Variants in FBXO4 observed in about 807,000 individuals in gnomAD.
FBXO4 encodes the protein F-box only protein 4.
FBXO4 carries 36 observed loss-of-function variants against 43.7 expected under a neutral mutation model. The observed-to-expected ratio is 0.82, with a 90% CI of 0.63 to 1.09. The LOEUF (loss-of-function observed/expected upper bound fraction) is 1.09, where lower values mean the gene tolerates loss of function less well. Among genes scored for constraint, FBXO4 ranks in the 50% least tolerant of loss-of-function variants. FBXO4 has a pLI of 0.00. For synonymous variants in FBXO4, 180 were observed against 165.6 expected (o/e 1.09, Z -0.67); for missense variants, 435 against 474.1 (o/e 0.92, Z 0.77).
chr5:41,975,940 GAAGCTTAC>G, the FBXO4 span, among the ~76,000 whole-genome samples: 1 of 152,118 alleles, frequency 6.6e-6, no homozygotes, highest in Admixed American at 6.5e-5. Context: ...GAGGCCTCAA[GAAGCTTAC>G]AATCGTGGTG....
chr5:41,961,360 C>T, the FBXO4 span, among the ~76,000 whole-genome samples: 1 of 152,268 alleles, frequency 6.6e-6, no homozygotes, highest in Non-Finnish European at 1.5e-5. Context: ...TTTGCAGTCC[C>T]ACTCAAGTTG....
chr5:41,965,832 A>C, the FBXO4 span, among the ~76,000 whole-genome samples: 4 of 152,234 alleles, frequency 2.6e-5, no homozygotes, highest in African/African-American at 9.6e-5. Flanking sequence ...TCGTGCTGCT[A>C]TAAAGACACA....
the FBXO4 span, among the ~76,000 whole-genome samples, chr5:41,999,472 TATATACAC>T: frequency 1.7e-3 from 46 of 27,542 alleles, 1 homozygote; most frequent in African/African-American, 2.7e-3. Context: ...TGTGTATATA[TATATACAC>T]ATATATATAT....
At chr5:41,956,464 G>C in the FBXO4 span, among the ~76,000 whole-genome samples, 99 of 152,126 alleles carry the variant, frequency 6.5e-4, no homozygotes, top group Admixed American at 5.9e-4. Flanking sequence ...GTGAGTGTTT[G>C]ATATTTCTTA....
the FBXO4 span, among the ~76,000 whole-genome samples, chr5:41,974,522 C>T: frequency 3.3e-5 from 5 of 151,986 alleles, no homozygotes; most frequent in African/African-American, 1.2e-4. Flanking sequence ...AATTCTTTTG[C>T]TAGATTCTTG....
the FBXO4 span, among the ~76,000 whole-genome samples, chr5:42,023,367 C>T: frequency 6.6e-6 from 1 of 151,980 alleles, no homozygotes; most frequent in Non-Finnish European, 1.5e-5. Context: ...GGGGAATGCA[C>T]CTCCTTCAAT....
At chr5:41,973,942 TTTTG>T in the FBXO4 span, among the ~76,000 whole-genome samples, 1 of 152,130 alleles carries the variant, frequency 6.6e-6, no homozygotes, top group Non-Finnish European at 1.5e-5. Flanking sequence ...TTCTCCTAGT[TTTTG>T]TTTATTTTAG....
the FBXO4 span, among the ~76,000 whole-genome samples, chr5:41,960,613 G>A: frequency 6.6e-6 from 1 of 151,988 alleles, no homozygotes; most frequent in African/African-American, 2.4e-5. Context: ...ATGATTATAT[G>A]GTTTTTGTCC....
the FBXO4 span, among the ~76,000 whole-genome samples, chr5:41,995,908 C>T: frequency 6.6e-6 from 1 of 152,212 alleles, no homozygotes; most frequent in South Asian, 2.1e-4. Context: ...TGAAGCTCGG[C>T]CCACTGGGAA....
At chr5:41,939,295 T>C in intron 5 of FBXO4, 146 bp from the exon 6 acceptor site, 1 of 645,686 alleles carries the variant, frequency 1.5e-6, no homozygotes, top group South Asian at 2.5e-5. Flanking sequence ...TGTGGAGACA[T>C]CTGAAGAGTA....
At chr5:42,029,040 T>TTATATA in the FBXO4 span, among the ~76,000 whole-genome samples, 50 of 152,154 alleles carry the variant, frequency 3.3e-4, no homozygotes, top group African/African-American at 1.1e-3. Context: ...CCAGTGGGTT[T>TTATATA]TATATCTTCA....
chr5:42,036,634 T>C, the FBXO4 span, among the ~76,000 whole-genome samples: 4 of 152,052 alleles, frequency 2.6e-5, no homozygotes, highest in Non-Finnish European at 2.9e-5. Flanking sequence ...GTTTATAATA[T>C]ACACAAAGGG....
the FBXO4 span, among the ~76,000 whole-genome samples, chr5:41,982,952 A>C: frequency 6.6e-6 from 1 of 152,054 alleles, no homozygotes; most frequent in Non-Finnish European, 1.5e-5. Context: ...CCCATTTATA[A>C]GTGAGAACAT....
chr5:42,036,920 G>T, the FBXO4 span, among the ~76,000 whole-genome samples: 1 of 151,986 alleles, frequency 6.6e-6, no homozygotes, highest in Non-Finnish European at 1.5e-5. Context: ...GGAATACTTG[G>T]TGGGGAGGGT....
rs1053926091 is a variant in FBXO4 at position 41,935,057 on chromosome 5, A to G, written c.898+749A>G. ...AATTACTTTCTGTTATTACAGGGCTATCTATAAAAAGAAAACTTAGAAGCA... is the reference window on the plus strand; with the variant it reads ...AATTACTTTCTGTTATTACAGGGCTGTCTATAAAAAGAAAACTTAGAAGCA... On this transcript the variant is annotated intron_variant, in intron 5 of 6. Transcript: ENST00000281623. The G allele has an allele frequency of 2.2e-5, 22 of 984,634 alleles. No individual in the cohort carries two copies. The African/African-American group carries it at 3.7e-4, about 16-fold the overall frequency. 61.0% of individuals were successfully genotyped at this position (984,634 alleles called of 1,614,324 possible). A position where few individuals can be genotyped will look rare whatever the true frequency, so the allele number is the denominator to read the frequency against.
chr5:41,970,076 G>A, the FBXO4 span, among the ~76,000 whole-genome samples: 1 of 151,988 alleles, frequency 6.6e-6, no homozygotes, highest in African/African-American at 2.4e-5. Context: ...CTGTGAATTA[G>A]TTCTGTTTTA....
chr5:41,972,274 A>T, the FBXO4 span, among the ~76,000 whole-genome samples: 1 of 152,184 alleles, frequency 6.6e-6, no homozygotes. Flanking sequence ...TCAATGTATA[A>T]AAATTAGTAG....
chr5:42,002,242 G>C, the FBXO4 span, among the ~76,000 whole-genome samples: 4 of 152,264 alleles, frequency 2.6e-5, no homozygotes, highest in African/African-American at 9.6e-5. Flanking sequence ...TATTAAGAAT[G>C]ATCATAGTAC....
At chr5:42,000,537 C>G in the FBXO4 span, among the ~76,000 whole-genome samples, 2 of 152,140 alleles carry the variant, frequency 1.3e-5, no homozygotes, top group Middle Eastern at 3.4e-3. Flanking sequence ...CCATAGGTTG[C>G]CTTTCATTTT....
Sources: allele counts gnomAD v4.1 joint callset (sites outside exome capture counted in the v4.1 genomes callset), GRCh38; gene constraint gnomAD v4.1.1; transcripts MANE v1.5; gene names NCBI Gene and HGNC (gene_info 2026-07-23, HGNC 2026-07-21).